The following PROSER2 variants were observed in gnomAD, a reference collection of about 807,000 sequenced individuals.
PROSER2 encodes the protein proline and serine rich 2, also known as proline and serine-rich protein 2.
In PROSER2, 18 loss-of-function variants were observed where a neutral mutation model predicts 14.6. The observed-to-expected ratio is 1.23, with a 90% CI of 0.85 to 1.83. PROSER2 has a LOEUF of 1.83. PROSER2 is among the 40% of genes most tolerant of loss of function. The probability of loss-of-function intolerance (pLI) is 0.00; values close to 1 mark genes in which losing one functional copy is unlikely to be tolerated. For missense variants in PROSER2, 823 were observed against 629.8 expected (o/e 1.31, Z -3.28); for synonymous variants, 367 against 286.4 (o/e 1.28, Z -2.84).
intron 1 of PROSER2, among the ~76,000 whole-genome samples, chr10:11,826,692 C>G (rs1833618931): frequency 6.6e-6 from 1 of 152,138 alleles, no homozygotes; most frequent in African/African-American, 2.4e-5. Flanking sequence ...ATTCTCCTGC[C>G]TCAGCCTCCT....
chr10:11,847,154 A>AATAAATATATATATAT (rs1197050251), intron 1 of PROSER2, among the ~76,000 whole-genome samples: 34 of 88,234 alleles, frequency 3.9e-4, no homozygotes, highest in African/African-American at 9.9e-4. Flanking sequence ...AACATAAATA[A>AATAAATATATATATAT]ATATATATAT....
At chr10:11,827,032 G>A (rs925937821) in intron 1 of PROSER2, among the ~76,000 whole-genome samples, 13 of 151,764 alleles carry the variant, frequency 8.6e-5, no homozygotes, top group African/African-American at 2.7e-4. Context: ...CCACAGGCAC[G>A]TGCCACCACG....
intron 1 of PROSER2, among the ~76,000 whole-genome samples, chr10:11,825,740 G>T (rs1400025635): frequency 6.6e-6 from 1 of 152,214 alleles, no homozygotes; most frequent in African/African-American, 2.4e-5. Flanking sequence ...GGATTGGCAG[G>T]GAAGGACTGT....
In PROSER2 at chr10:11,866,472, T is replaced by G; in HGVS notation, c.139-59T>G. On this transcript the variant is annotated intron_variant, in intron 2 of 3. Coordinates refer to ENST00000277570, the MANE Select transcript of PROSER2 (RefSeq NM_153256.4). The surrounding 1 kb of genome is among the most constrained non-coding windows in gnomAD (Gnocchi z 6.0). ...AATCCCAACTTTGCTTCAGCTTTTGTCTCTTTAGTGAAGCCAGTGTTTGTT... is the reference window on the plus strand; with the variant it reads ...AATCCCAACTTTGCTTCAGCTTTTGGCTCTTTAGTGAAGCCAGTGTTTGTT... 1 of 1,590,468 alleles carries G rather than the reference T, an allele frequency of 6.3e-7. No individual in the cohort carries two copies.
chr10:11,831,139 A>G (rs187533221), intron 1 of PROSER2, among the ~76,000 whole-genome samples: 25 of 152,198 alleles, frequency 1.6e-4, no homozygotes, highest in Admixed American at 4.6e-4. Context: ...TGTTATAAAT[A>G]CCAGTGCTAA....
At chr10:11,829,058 G>T (rs527961706) in intron 1 of PROSER2, among the ~76,000 whole-genome samples, 1 of 152,084 alleles carries the variant, frequency 6.6e-6, no homozygotes, top group Admixed American at 6.6e-5. Flanking sequence ...TTCCAGTCGG[G>T]GGCATGGACC....
Position 11,870,491 on chromosome 10 carries a change from C to G in PROSER2, c.*85C>G. Reference sequence around the variant, plus strand: ...TCGCTGCACCCAGGAGCTGTTTGGTCTAAAATGGAAGTGACAGCGGGAGCC... The same window carrying G: ...TCGCTGCACCCAGGAGCTGTTTGGTGTAAAATGGAAGTGACAGCGGGAGCC... On this transcript the variant is annotated 3_prime_UTR_variant, in exon 4 of 4. Coordinates refer to ENST00000277570, the MANE Select transcript of PROSER2 (RefSeq NM_153256.4). 1 of 1,205,360 alleles carries G rather than the reference C, an allele frequency of 8.3e-7. No homozygotes were observed. Among genetic ancestry groups the G allele is most frequent in the Non-Finnish European group, 1.1e-6 (1 of 909,084 alleles). The allele number at this position is 1,205,360 out of a possible 1,614,324, so 74.7% of individuals were successfully genotyped here.
intron 1 of PROSER2, 60 bp from the exon 2 acceptor site, chr10:11,851,937 A>C: frequency 1.2e-6 from 1 of 801,758 alleles, no homozygotes; most frequent in Non-Finnish European, 1.7e-6. Flanking sequence ...TTTTTGAGGG[A>C]TTGAGGCGTT....
At chr10:11,843,529 T>TA (rs1373639383) in intron 1 of PROSER2, among the ~76,000 whole-genome samples, 2 of 151,564 alleles carry the variant, frequency 1.3e-5, no homozygotes, top group African/African-American at 2.4e-5. Flanking sequence ...CTACTAAAGA[T>TA]ACAAAAATTA....
In PROSER2 at chr10:11,830,062, C is replaced by G. The variant is rs953349247; in HGVS notation, c.-82+6592C>G. Among the ~76,000 whole-genome samples, 1 of 151,926 alleles carries G rather than the reference C, an allele frequency of 6.6e-6. No homozygotes were observed. Among genetic ancestry groups the G allele is most frequent in the Non-Finnish European group, 1.5e-5 (1 of 67,980 alleles). ...TTTGCCATGTTGGCCATGCTGGTCT[C>G]GAACTCCTGAGCTCAAGTGATTCAC... On this transcript the variant is annotated intron_variant, in intron 1 of 3. Coordinates refer to ENST00000277570, the MANE Select transcript of PROSER2 (RefSeq NM_153256.4). This position sits in a 1 kb window ranked among gnomAD's most constrained non-coding sequence, Gnocchi z 4.5.
At chr10:11,849,306 T>TA (rs892496742) in intron 1 of PROSER2, among the ~76,000 whole-genome samples, 11 of 152,358 alleles carry the variant, frequency 7.2e-5, no homozygotes, top group Admixed American at 3.9e-4. Flanking sequence ...TGTCTTCCCT[T>TA]ACAGTTGGTG....
At position 11,870,162 on chromosome 10, in the gene PROSER2, C is replaced by T. The variant is rs749278816; in HGVS notation, c.1064C>T (p.Ala355Val). ...AGTGCGCACGAGGCCCTGAAGAGCG[C>T]ACCCAGCTCCTTCGCGCCCGCTGGG... ...FPSAHEALKS[A>V]PSSFAPAGKS... The change falls in exon 4 of 4, where the codon GCA (alanine) becomes GTA (valine). Residue 355 changes from alanine (A) to valine (V), a missense_variant. Coordinates refer to ENST00000277570, the MANE Select transcript of PROSER2 (RefSeq NM_153256.4). 6 of 1,471,204 alleles carry T rather than the reference C, an allele frequency of 4.1e-6. No homozygotes were observed. The South Asian group carries it at 7.7e-5, about 19-fold the overall frequency. The allele number at this position is 1,471,204 out of a possible 1,614,324, so 91.1% of individuals were successfully genotyped here.
At chr10:11,844,516 T>C (rs10795899) in intron 1 of PROSER2, among the ~76,000 whole-genome samples, 150,334 of 152,344 alleles carry the variant, frequency 0.99, 74,196 homozygotes, top group East Asian at 1. Flanking sequence ...TGTAATCTCT[T>C]GGTTTTACAC....
At chr10:11,863,432 G>A (rs1834282710) in intron 2 of PROSER2, among the ~76,000 whole-genome samples, 1 of 152,056 alleles carries the variant, frequency 6.6e-6, no homozygotes, top group East Asian at 1.9e-4. Flanking sequence ...CAGCATCTCT[G>A]GAGGCTGAGG....
At chr10:11,825,711 T>C (rs1022018735) in intron 1 of PROSER2, among the ~76,000 whole-genome samples, 1 of 152,124 alleles carries the variant, frequency 6.6e-6, no homozygotes, top group Non-Finnish European at 1.5e-5. Context: ...TGGTGCTAGG[T>C]TTCTAATCTG....
intron 3 of PROSER2, among the ~76,000 whole-genome samples, chr10:11,868,100 G>A (rs748995539): frequency 2.6e-5 from 4 of 152,284 alleles, no homozygotes; most frequent in Non-Finnish European, 5.9e-5. Flanking sequence ...CTTCAAAGAG[G>A]AGAAGTAATG....
In PROSER2 at chr10:11,836,347, C is replaced by G. The variant is rs1833760509; in HGVS notation, c.-82+12877C>G. ...AAGTAGTTGGGATTACGGGCGCATA[C>G]CACCACACCCGGCTAATTTTTGCAT... On this transcript the variant is annotated intron_variant, in intron 1 of 3. Transcript: ENST00000277570. The surrounding 1 kb of genome is among the most constrained non-coding windows in gnomAD (Gnocchi z 4.6). Among the ~76,000 whole-genome samples the G allele has an allele frequency of 6.6e-6, 1 of 152,052 alleles. No homozygotes were observed. Among genetic ancestry groups the G allele is most frequent in the African/African-American group, 2.4e-5 (1 of 41,392 alleles).
Position 11,870,190 on chromosome 10 carries a change from G to T in PROSER2, c.1092G>T (p.Lys364Asn), listed in dbSNP as rs942112438. 2 of 1,488,248 alleles carry T rather than the reference G, an allele frequency of 1.3e-6. No homozygotes were observed. Among genetic ancestry groups the T allele is most frequent in the Admixed American group, 2.2e-5 (1 of 45,178 alleles). The allele number at this position is 1,488,248 out of a possible 1,614,324, so 92.2% of individuals were successfully genotyped here. ...SAPSSFAPAGKSLCFRPGPAL... is the reference protein window; with the variant it reads ...SAPSSFAPAGNSLCFRPGPAL... ...CCAGCTCCTTCGCGCCCGCTGGGAA[G>T]TCCCTCTGCTTCCGCCCTGGCCCGG... Residue 364 changes from lysine (K) to asparagine (N), a missense_variant, in exon 4 of 4, where the codon AAG (lysine) becomes AAT (asparagine). Lys to Asn is a moderately conservative substitution (Grantham distance 94). Transcript: ENST00000277570.
Position 11,862,003 on chromosome 10 carries a change from C to T in PROSER2, c.139-4528C>T, listed in dbSNP as rs1421026384. ...GTCAGCGCATCAGACTCCCTGGAGG[C>T]TGCGTCCAACACAGACTGACAGGCC... On this transcript the variant is annotated intron_variant, in intron 2 of 3. Coordinates refer to ENST00000277570, the MANE Select transcript of PROSER2 (RefSeq NM_153256.4). This position sits in a 1 kb window ranked among gnomAD's most constrained non-coding sequence, Gnocchi z 4.2. 6.6e-6 allele frequency among the ~76,000 whole-genome samples: 1 copy of T among 152,230 alleles called. No homozygotes were observed.
Sources: gnomAD v4.1 joint callset for allele counts (sites outside exome capture counted in the v4.1 genomes callset) on GRCh38, gnomAD v4.1.1 for gene constraint, Gnocchi (gnomAD v3.1) non-coding constraint, MANE v1.5 for transcripts, NCBI Gene and HGNC (gene_info 2026-07-23, HGNC 2026-07-21) for gene names.